Variants in PRP4K observed in about 807,000 individuals in gnomAD.
PRP4K encodes pre-mRNA processing factor kinase PRP4K.
chr6:4,044,252 G>A, the PRP4K span: 2,544 of 446,174 alleles, frequency 5.7e-3, 22 homozygotes, highest in Non-Finnish European at 6.4e-3. Flanking sequence ...TCACATATTC[G>A]TTACCTTTTG....
At chr6:4,058,964 C>A in the PRP4K span, 1 of 562,026 alleles carries the variant, frequency 1.8e-6, no homozygotes, top group Non-Finnish European at 3.1e-6. Flanking sequence ...ACACATCAGA[C>A]CATGGAAAAG....
At chr6:4,047,987 A>T in the PRP4K span, among the ~76,000 whole-genome samples, 1 of 151,676 alleles carries the variant, frequency 6.6e-6, no homozygotes, top group Non-Finnish European at 1.5e-5. Flanking sequence ...TTAGGAGAGG[A>T]TGAAATGAGT....
At chr6:4,041,195 C>G in the PRP4K span, among the ~76,000 whole-genome samples, 1 of 152,060 alleles carries the variant, frequency 6.6e-6, no homozygotes, top group Non-Finnish European at 1.5e-5. Context: ...TTATTATGAA[C>G]AATACATACA....
chr6:4,053,903 T>TTTTTGTTTTGTTTTGTTTTGTTTTG, the PRP4K span, among the ~76,000 whole-genome samples: 84 of 149,506 alleles, frequency 5.6e-4, no homozygotes, highest in African/African-American at 2.0e-3. Context: ...TCTTTTGTTT[T>TTTTTGTTTTGTTTTGTTTTGTTTTG]TTTTGTTTTG....
chr6:4,021,559 C>T, the PRP4K span: 21 of 1,514,248 alleles, frequency 1.4e-5, no homozygotes, highest in African/African-American at 6.9e-5. Context: ...GGCCTAACGG[C>T]GAGAGTCAAA....
chr6:4,060,387 AT>A, the PRP4K span: 1 of 1,593,430 alleles, frequency 6.3e-7, no homozygotes, highest in Non-Finnish European at 8.6e-7. The surrounding 1 kb of genome is among the most constrained non-coding windows in gnomAD (Gnocchi z 4.7). Flanking sequence ...TTATTTAGAG[AT>A]ACGCATTTTA....
At chr6:4,042,387 C>T in the PRP4K span, 27 of 868,022 alleles carry the variant, frequency 3.1e-5, no homozygotes, top group South Asian at 3.0e-4. Flanking sequence ...AAGACTTTTG[C>T]TCTAACTTAC....
chr6:4,052,736 G>T, the PRP4K span: 1 of 1,590,080 alleles, frequency 6.3e-7, no homozygotes, highest in Non-Finnish European at 8.6e-7. Context: ...CTTACGAGAG[G>T]TGTTAAAAAA....
the PRP4K span, chr6:4,049,180 C>A: frequency 7.5e-7 from 1 of 1,335,030 alleles, no homozygotes. Flanking sequence ...GATGCAATCA[C>A]AGATTATTGG....
At chr6:4,025,966 T>C in the PRP4K span, among the ~76,000 whole-genome samples, 6 of 152,046 alleles carry the variant, frequency 3.9e-5, no homozygotes, top group Non-Finnish European at 7.4e-5. Flanking sequence ...GAGTCTATAA[T>C]AGATAGTGTA....
At chr6:4,034,193 A>G in the PRP4K span, among the ~76,000 whole-genome samples, 196 of 152,146 alleles carry the variant, frequency 1.3e-3, no homozygotes, top group African/African-American at 4.5e-3. Context: ...CATATTATTC[A>G]TATTCACATG....
At chr6:4,048,921 A>T in the PRP4K span, 1 of 718,724 alleles carries the variant, frequency 1.4e-6, no homozygotes, top group Non-Finnish European at 2.2e-6. Flanking sequence ...TGCTTTTATT[A>T]AATTATATCT....
chr6:4,047,806 G>A, the PRP4K span, among the ~76,000 whole-genome samples: 1 of 151,610 alleles, frequency 6.6e-6, no homozygotes, highest in East Asian at 1.9e-4. Flanking sequence ...AATTTCAAAG[G>A]ACATGAGAAA....
chr6:4,034,970 C>G, the PRP4K span, among the ~76,000 whole-genome samples: 4 of 152,094 alleles, frequency 2.6e-5, no homozygotes, highest in African/African-American at 9.7e-5. Flanking sequence ...CTCGGCCTCC[C>G]AAAGTGTTGG....
the PRP4K span, among the ~76,000 whole-genome samples, chr6:4,054,722 T>G: frequency 6.6e-6 from 1 of 152,200 alleles, no homozygotes; most frequent in Non-Finnish European, 1.5e-5. Flanking sequence ...GCCAGGATGG[T>G]CTTAATCTCC....
the PRP4K span, chr6:4,049,122 A>G: frequency 4.4e-6 from 7 of 1,587,146 alleles, no homozygotes; most frequent in Admixed American, 8.6e-5. Flanking sequence ...TTCACATTTT[A>G]TATTAACTTT....
chr6:4,023,454 C>T, the PRP4K span, among the ~76,000 whole-genome samples: 1 of 152,236 alleles, frequency 6.6e-6, no homozygotes, highest in Non-Finnish European at 1.5e-5. Flanking sequence ...CAGTCTGGTT[C>T]TAAAGCCCTG....
the PRP4K span, chr6:4,060,501 G>A: frequency 6.2e-7 from 1 of 1,613,834 alleles, no homozygotes; most frequent in Non-Finnish European, 8.5e-7. The surrounding 1 kb of genome is among the most constrained non-coding windows in gnomAD (Gnocchi z 4.7). Flanking sequence ...GAAGACCAAC[G>A]TAAGAAAGTA....
chr6:4,044,037 G>A, the PRP4K span: 1 of 1,606,180 alleles, frequency 6.2e-7, no homozygotes, highest in Non-Finnish European at 8.5e-7. Context: ...AGAGAGTTTT[G>A]TCCTGGCGAC....
Sources: gnomAD v4.1 joint callset for allele counts (sites outside exome capture counted in the v4.1 genomes callset) on GRCh38, gnomAD v4.1.1 for gene constraint, Gnocchi (gnomAD v3.1) non-coding constraint, MANE v1.5 for transcripts, NCBI Gene and HGNC (gene_info 2026-07-23, HGNC 2026-07-21) for gene names.